COL11A1: variants seen among roughly 807,000 people sequenced by gnomAD.
COL11A1 encodes collagen alpha-1(XI) chain.
In COL11A1, 74 loss-of-function variants were observed where a neutral mutation model predicts 265.2. The observed-to-expected ratio is 0.28, with a 90% confidence interval of 0.23 to 0.34. COL11A1 has a LOEUF of 0.34. COL11A1 is among the 10% of genes least tolerant of loss of function. The probability of loss-of-function intolerance (pLI) is 1.00; values close to 1 mark genes in which losing one functional copy is unlikely to be tolerated. For missense variants in COL11A1, 2,165 were observed against 2,263.6 expected (o/e 0.96, Z 0.88); for synonymous variants, 816 against 727.6 (o/e 1.12, Z -1.96).
intron 4 of COL11A1, among the ~76,000 whole-genome samples, chr1:103,042,533 C>A (rs925146205): frequency 6.6e-6 from 1 of 152,002 alleles, no homozygotes; most frequent in Non-Finnish European, 1.5e-5. Flanking sequence ...CAGACTCTCC[C>A]GCAGGTTGGT....
At chr1:102,907,180 T>C (rs969635772) in intron 54 of COL11A1, among the ~76,000 whole-genome samples, 1 of 152,136 alleles carries the variant, frequency 6.6e-6, no homozygotes, top group Non-Finnish European at 1.5e-5. Flanking sequence ...TCTCATGTTA[T>C]TATTAATTCA....
chr1:102,924,206 G>C (rs1227677090), intron 46 of COL11A1, among the ~76,000 whole-genome samples: 1 of 152,162 alleles, frequency 6.6e-6, no homozygotes, highest in East Asian at 1.9e-4. Context: ...GGGTGACAGA[G>C]CAAGACTCCG....
chr1:103,021,223 G>A (rs1667035832), intron 9 of COL11A1, among the ~76,000 whole-genome samples: 1 of 151,424 alleles, frequency 6.6e-6, no homozygotes. Flanking sequence ...GAGTGAATTA[G>A]AGATTCTTCT....
chr1:103,016,172 A>G (rs982839242), intron 11 of COL11A1, among the ~76,000 whole-genome samples: 4 of 152,078 alleles, frequency 2.6e-5, no homozygotes, highest in African/African-American at 9.7e-5. Context: ...TAACAGATAC[A>G]TAAATAGTAT....
At chr1:103,091,025 T>A (rs768150080) in intron 1 of COL11A1, among the ~76,000 whole-genome samples, 1 of 152,078 alleles carries the variant, frequency 6.6e-6, no homozygotes, top group Non-Finnish European at 1.5e-5. Flanking sequence ...AGATCTTAAA[T>A]CTATATTTTC....
At chr1:103,094,673 T>G (rs986213414) in intron 1 of COL11A1, among the ~76,000 whole-genome samples, 3 of 152,120 alleles carry the variant, frequency 2.0e-5, no homozygotes, top group Non-Finnish European at 4.4e-5. Context: ...TAATGAATAC[T>G]AAATATATTT....
chr1:102,900,128 T>C (rs1653002139), intron 54 of COL11A1, among the ~76,000 whole-genome samples: 1 of 152,142 alleles, frequency 6.6e-6, no homozygotes, highest in Non-Finnish European at 1.5e-5. Context: ...AAAGAGTCAA[T>C]GATGACATCA....
chr1:102,986,366 G>A (rs983858130), intron 30 of COL11A1, among the ~76,000 whole-genome samples: 4 of 138,258 alleles, frequency 2.9e-5, no homozygotes, highest in Admixed American at 1.6e-4. Context: ...TGAACAATGA[G>A]AACACATGGA....
At chr1:102,923,445 G>GA (rs1270947467) in intron 46 of COL11A1, 56 bp from the exon 47 acceptor site, 6 of 1,323,824 alleles carry the variant, frequency 4.5e-6, no homozygotes, top group Non-Finnish European at 6.3e-6. Flanking sequence ...AAAAAAAAAA[G>GA]TTTGGTCAAT....
chr1:102,935,818 A>G (rs1658080897), intron 44 of COL11A1, among the ~76,000 whole-genome samples: 1 of 152,174 alleles, frequency 6.6e-6, no homozygotes, highest in African/African-American at 2.4e-5. Context: ...TGTTAAAGCA[A>G]GATTTTGAAA....
At chr1:102,985,740 C>A (rs1663475754) in intron 30 of COL11A1, among the ~76,000 whole-genome samples, 1 of 152,104 alleles carries the variant, frequency 6.6e-6, no homozygotes, top group South Asian at 2.1e-4. Context: ...ATCACAATAG[C>A]TTGTGTGACT....
chr1:102,931,899 A>G (rs1657494288), intron 46 of COL11A1, among the ~76,000 whole-genome samples: 1 of 151,434 alleles, frequency 6.6e-6, no homozygotes, highest in Admixed American at 6.6e-5. Context: ...GTTTTATCAG[A>G]GACTAGGATT....
At chr1:103,044,516 CTG>C (rs1342757046) in intron 4 of COL11A1, among the ~76,000 whole-genome samples, 2 of 152,014 alleles carry the variant, frequency 1.3e-5, no homozygotes, top group Non-Finnish European at 2.9e-5. Flanking sequence ...TATGAAAAAA[CTG>C]TACGTTTATC....
Position 102,940,581 on chromosome 1 carries a change from T to TGTA in COL11A1, c.3277-148_3277-147insTAC, listed in dbSNP as rs2101309117. ...GAATAAATGATACATGTTCCCTACCTTCATTTGTGACTAAGAATACTATTT... is the reference window on the plus strand; with the variant it reads ...GAATAAATGATACATGTTCCCTACCTGTATCATTTGTGACTAAGAATACTATTT... On this transcript the variant is annotated intron_variant, in intron 42 of 66. Coordinates refer to ENST00000370096, the MANE Select transcript of COL11A1 (RefSeq NM_001854.4). 6.2e-6 allele frequency: 4 copies of TGTA among 642,014 alleles called. No homozygotes were observed. The East Asian group carries it at 8.3e-5, about 13-fold the overall frequency. 39.8% of individuals were successfully genotyped at this position (642,014 alleles called of 1,614,324 possible).
chr1:102,890,565 C>T, intron 57 of COL11A1, 61 bp from the exon 58 acceptor site: 1 of 1,373,768 alleles, frequency 7.3e-7, no homozygotes, highest in Admixed American at 2.3e-5. Context: ...ATTAGAGAAT[C>T]CTATAACTAG....
chr1:103,036,877 T>G (rs1304979877), intron 4 of COL11A1, among the ~76,000 whole-genome samples: 4 of 152,070 alleles, frequency 2.6e-5, no homozygotes, highest in African/African-American at 7.2e-5. Flanking sequence ...TCTCCAGCTG[T>G]GTCAACTGGG....
intron 37 of COL11A1, among the ~76,000 whole-genome samples, chr1:102,966,762 A>G (rs774954257): frequency 3.0e-4 from 45 of 152,108 alleles, no homozygotes; most frequent in Non-Finnish European, 6.3e-4. Context: ...TCCCTGGATT[A>G]TCTCAACAAC....
In COL11A1 at chr1:102,915,658, T is replaced by A. The variant is rs144729226; in HGVS notation, c.3789A>T (p.Pro1263=). ...CTACACCTGCTTCCCCAGGAGGCCC[T>A]GGGTTCCCTGCTTCTCCAGGTTCAC... ...EKGEPGEAGN[P]GPPGEAGVGG... Residue 1263 remains proline, a synonymous_variant, in exon 50 of 67, where the codon CCA becomes CCT. Transcript: ENST00000370096. 4 of 1,613,100 alleles carry A rather than the reference T, an allele frequency of 2.5e-6. No homozygotes were observed.
intron 1 of COL11A1, among the ~76,000 whole-genome samples, chr1:103,107,212 T>G (rs898354877): frequency 6.6e-6 from 1 of 151,922 alleles, no homozygotes; most frequent in African/African-American, 2.4e-5. Flanking sequence ...GTCTGGCCAT[T>G]GAATATTTGG....
Sources: gnomAD v4.1 joint callset for allele counts (sites outside exome capture counted in the v4.1 genomes callset) on GRCh38, gnomAD v4.1.1 for gene constraint, MANE v1.5 for transcripts, NCBI Gene and HGNC (gene_info 2026-07-23, HGNC 2026-07-21) for gene names.